Variants in USP13 observed in about 807,000 individuals in gnomAD.
USP13 encodes ubiquitin specific peptidase 13.
Under a neutral mutation model 107.8 loss-of-function variants are expected in USP13, and 68 were observed. The ratio of observed to expected loss-of-function variants is 0.63; its 90% confidence interval spans 0.52 to 0.77. The LOEUF (loss-of-function observed/expected upper bound fraction) is 0.77, where lower values mean the gene tolerates loss of function less well. Ranked by LOEUF, USP13 falls within the 30% of genes least tolerant of loss-of-function variation. The pLI, the probability that USP13 is intolerant of heterozygous loss-of-function variation, is 0.00. For missense variants in USP13, 945 were observed against 1,093.3 expected (o/e 0.86, Z 1.91); for synonymous variants, 377 against 389.5 (o/e 0.97, Z 0.38).
At chr3:179,740,105 G>A in intron 10 of USP13, 142 bp from the exon 11 acceptor site, 1 of 1,176,766 alleles carries the variant, frequency 8.5e-7, no homozygotes, top group Non-Finnish European at 1.2e-6. Flanking sequence ...GCGAGTATTG[G>A]CCACTATCAT....
chr3:179,723,574 G>A (rs1713402793), intron 8 of USP13, among the ~76,000 whole-genome samples: 1 of 152,158 alleles, frequency 6.6e-6, no homozygotes, highest in Non-Finnish European at 1.5e-5. Context: ...GTGAAGACAG[G>A]CTTTATGTTT....
intron 1 of USP13, among the ~76,000 whole-genome samples, chr3:179,671,997 C>T (rs1403546022): frequency 6.6e-6 from 1 of 152,180 alleles, no homozygotes; most frequent in Non-Finnish European, 1.5e-5. Flanking sequence ...TTCCTGAGCG[C>T]GTTGCTCACA....
chr3:179,677,494 C>T (rs890570609), intron 1 of USP13, among the ~76,000 whole-genome samples: 2 of 151,932 alleles, frequency 1.3e-5, no homozygotes, highest in Non-Finnish European at 1.5e-5. Context: ...GCAGGAGAAT[C>T]ACTTGAACCC....
chr3:179,730,049 T>G (rs949133244), intron 8 of USP13, 140 bp from the exon 9 acceptor site: 1 of 696,626 alleles, frequency 1.4e-6, no homozygotes, highest in Non-Finnish European at 2.4e-6. Flanking sequence ...AGGGGTAGAA[T>G]CTCATGAAAA....
rs569592022 is a variant in USP13, at chr3:179,761,145, T to G, written c.1982T>G (p.Leu661Arg). Residue 661 changes from leucine (L) to arginine (R), a missense_variant, in exon 17 of 21, where the codon CTG (leucine) becomes CGG (arginine). Transcript: ENST00000263966. Reference sequence around the variant, plus strand: ...ATCGATGAGTCATCAGTGATGCAGCTGGCCGAGATGGGTTTCCCGCTGGAA... The same window carrying G: ...ATCGATGAGTCATCAGTGATGCAGCGGGCCGAGATGGGTTTCCCGCTGGAA... ...SDIDESSVMQ[L>R]AEMGFPLEAC... is the part of the protein sequence containing the mutation. 2 of 1,614,204 alleles carry G rather than the reference T, an allele frequency of 1.2e-6. No individual in the cohort carries two copies. The highest frequency in any genetic ancestry group is 2.2e-5 in the South Asian group (2 of 91,086).
intron 11 of USP13, among the ~76,000 whole-genome samples, chr3:179,741,286 G>A (rs933132942): frequency 1.8e-4 from 28 of 152,186 alleles, no homozygotes; most frequent in Non-Finnish European, 2.9e-4. Flanking sequence ...CACGATCTTG[G>A]CCCACTGCAA....
In USP13 at chr3:179,786,665, AC is replaced by A. The variant is rs1369564191; in HGVS notation, c.*2525del. 6.6e-6 allele frequency: 1 copy of A among 152,498 alleles called. No homozygotes were observed. Among genetic ancestry groups the A allele is most frequent in the Non-Finnish European group, 1.5e-5 (1 of 68,150 alleles). 9.4% of individuals were successfully genotyped at this position (152,498 alleles called of 1,614,324 possible). A position where few individuals can be genotyped will look rare whatever the true frequency, so the allele number is the denominator to read the frequency against. ...TATTTATATGTGTATCTCAATATATACAAGGCAGGTTCCCCTATAAAAGTCT... is the reference window on the plus strand; with the variant it reads ...TATTTATATGTGTATCTCAATATATAAAGGCAGGTTCCCCTATAAAAGTCT... On this transcript the variant is annotated 3_prime_UTR_variant, in exon 21 of 21. Coordinates refer to ENST00000263966, the MANE Select transcript of USP13 (RefSeq NM_003940.3).
intron 4 of USP13, among the ~76,000 whole-genome samples, chr3:179,705,132 G>A (rs1419851312): frequency 6.6e-6 from 1 of 152,128 alleles, no homozygotes; most frequent in South Asian, 2.1e-4. Flanking sequence ...TGTGGGCTAG[G>A]TGGGGGTGAA....
chr3:179,700,963 A>G, intron 3 of USP13, 45 bp from the exon 4 acceptor site: 1 of 1,584,452 alleles, frequency 6.3e-7, no homozygotes, highest in African/African-American at 1.3e-5. Context: ...AGTGTGGGAT[A>G]TTATTTTCCT....
chr3:179,775,172 G>A (rs1715482150), intron 19 of USP13, among the ~76,000 whole-genome samples: 1 of 151,874 alleles, frequency 6.6e-6, no homozygotes, highest in South Asian at 2.1e-4. Context: ...GATGCAGAGT[G>A]CTGATTGGTG....
At chr3:179,779,465 G>A (rs1715665417) in intron 19 of USP13, among the ~76,000 whole-genome samples, 1 of 152,030 alleles carries the variant, frequency 6.6e-6, no homozygotes, top group Non-Finnish European at 1.5e-5. Flanking sequence ...AGGGGGTGGA[G>A]GTTGCAGTGA....
At chr3:179,701,960 T>C (rs1291687076) in intron 4 of USP13, among the ~76,000 whole-genome samples, 1 of 152,196 alleles carries the variant, frequency 6.6e-6, no homozygotes, top group South Asian at 2.1e-4. Flanking sequence ...ATTTCTTGTA[T>C]TGCCTGTACC....
At chr3:179,704,542 G>T (rs892732859) in intron 4 of USP13, among the ~76,000 whole-genome samples, 2 of 151,994 alleles carry the variant, frequency 1.3e-5, no homozygotes, top group African/African-American at 4.8e-5. Flanking sequence ...AACTCTCAAC[G>T]CTACTGACCG....
intron 12 of USP13, among the ~76,000 whole-genome samples, chr3:179,743,745 A>T (rs1010527285): frequency 1.3e-5 from 2 of 150,768 alleles, no homozygotes; most frequent in African/African-American, 2.4e-5. Context: ...TTTTTTTTTC[A>T]GAAAGGAGAT....
chr3:179,671,069 A>G (rs1020506450), intron 1 of USP13, among the ~76,000 whole-genome samples: 4 of 152,044 alleles, frequency 2.6e-5, no homozygotes, highest in African/African-American at 9.7e-5. Flanking sequence ...TCTGGACAAC[A>G]TGTCGAAACC....
intron 2 of USP13, among the ~76,000 whole-genome samples, chr3:179,684,168 C>CCAGGATGGTCTCG (rs1711774019): frequency 6.6e-6 from 1 of 151,746 alleles, no homozygotes; most frequent in South Asian, 2.1e-4. Context: ...ACCATGTTGG[C>CCAGGATGGTCTCG]CAGGATGGTC....
At chr3:179,730,889 G>A (rs2108504677) in intron 10 of USP13, among the ~76,000 whole-genome samples, 180 bp downstream of exon 10, 1 of 152,312 alleles carries the variant, frequency 6.6e-6, no homozygotes, top group East Asian at 1.9e-4. Context: ...GGAATAGCCA[G>A]GGTTGTGTTT....
chr3:179,778,334 T>G (rs1023911964), intron 19 of USP13, among the ~76,000 whole-genome samples: 2 of 152,232 alleles, frequency 1.3e-5, no homozygotes, highest in African/African-American at 4.8e-5. Context: ...CAGATACTTA[T>G]TAAGTACCTA....
intron 1 of USP13, among the ~76,000 whole-genome samples, chr3:179,654,249 C>T (rs1225691452): frequency 6.6e-6 from 1 of 151,360 alleles, no homozygotes; most frequent in Non-Finnish European, 1.5e-5. Flanking sequence ...ACGAAACCTT[C>T]CGGTGCCTCC....
Sources: gnomAD v4.1 joint callset for allele counts (sites outside exome capture counted in the v4.1 genomes callset) on GRCh38, gnomAD v4.1.1 for gene constraint, MANE v1.5 for transcripts, NCBI Gene and HGNC (gene_info 2026-07-23, HGNC 2026-07-21) for gene names.